Variants in CFAP99 observed in about 807,000 individuals in gnomAD.
CFAP99 encodes the protein cilia- and flagella-associated protein 99.
In CFAP99, 84 loss-of-function variants were observed where a neutral mutation model predicts 82.7. The ratio of observed to expected loss-of-function variants is 1.02; its 90% confidence interval spans 0.85 to 1.22. CFAP99 has a LOEUF of 1.22. CFAP99 is among the 50% of genes most tolerant of loss of function. The pLI is 0.00. For synonymous variants in CFAP99, 456 were observed against 429.5 expected, an observed-to-expected ratio of 1.06 and a Z score of -0.76; for missense variants, 1,059 against 983.5, an observed-to-expected ratio of 1.08 and a Z score of -1.03.
intron 8 of CFAP99, chr4:2,450,503 G>T: frequency 3.5e-6 from 1 of 282,488 alleles, no homozygotes; most frequent in Non-Finnish European, 6.9e-6. Flanking sequence ...GCTCAGAGGG[G>T]TGGCCTTTGC....
Position 2,460,250 on chromosome 4 carries a change from C to T in CFAP99, c.1661+8C>T, listed in dbSNP as rs1689346996. ...GAGATCCGCAGCCTTGAGGTTGGTA[C>T]TGGGCTCGGGGAGGGTGCCTCTGGG... On this transcript the variant is annotated splice_region_variant and intron_variant, in intron 14 of 14. Transcript: ENST00000635017. The T allele has an allele frequency of 2.1e-5, 32 of 1,535,806 alleles. No homozygotes were observed. The highest frequency in any genetic ancestry group is 2.4e-5 in the East Asian group (1 of 40,916).
intron 4 of CFAP99, among the ~76,000 whole-genome samples, chr4:2,439,629 G>A (rs867373929): frequency 3.3e-5 from 5 of 152,194 alleles, no homozygotes; most frequent in Non-Finnish European, 5.9e-5. Flanking sequence ...TCACAGAAAC[G>A]TAAGTGATTC....
chr4:2,456,000 G>A (rs139250672), intron 11 of CFAP99, among the ~76,000 whole-genome samples: 15 of 152,216 alleles, frequency 9.9e-5, no homozygotes, highest in African/African-American at 3.4e-4. Flanking sequence ...CTGAACTTTG[G>A]GCACTGCTCA....
intron 10 of CFAP99, 101 bp downstream of exon 10, chr4:2,451,453 G>A: frequency 9.1e-7 from 1 of 1,100,878 alleles, no homozygotes; most frequent in Non-Finnish European, 1.3e-6. Context: ...AGTGGAGAGG[G>A]ACTCGGGGGT....
chr4:2,430,504 T>G (rs1733778084), intron 2 of CFAP99, among the ~76,000 whole-genome samples: 1 of 137,556 alleles, frequency 7.3e-6, no homozygotes, highest in Admixed American at 7.3e-5. Flanking sequence ...ACGCAATACG[T>G]AAACCAAACG....
In CFAP99 at chr4:2,446,396, T is replaced by TTATTA. The variant is rs1734166648; in HGVS notation, c.642+1090_642+1094dup. On this transcript the variant is annotated intron_variant, in intron 6 of 14. Transcript: ENST00000635017. The surrounding 1 kb of genome is among the most constrained non-coding windows in gnomAD (Gnocchi z 5.0). ...ATTATTATTATTATTATTATTATTA[T>TTATTA]TATTATTATTATTTGAGACAGAGTC... Among the ~76,000 whole-genome samples the TTATTA allele has an allele frequency of 1.8e-5, 1 of 55,860 alleles. No homozygotes were observed. The highest frequency in any genetic ancestry group is 6.5e-5 in the African/African-American group (1 of 15,314). The allele number at this position is 55,860 out of a possible 152,430, so 36.6% of individuals were successfully genotyped here.
In CFAP99 at chr4:2,449,766, C is replaced by T. The variant is rs770238870; in HGVS notation, c.723+16C>T. The T allele has an allele frequency of 6.2e-5, 95 of 1,535,846 alleles. No individual in the cohort carries two copies. The highest frequency in any genetic ancestry group is 7.9e-5 in the Non-Finnish European group (91 of 1,146,704). On this transcript the variant is annotated intron_variant, in intron 7 of 14. Transcript: ENST00000635017. ...AAAGGCCGAGGTGAGCTGTGTGCGA[C>T]CCCTGCCTTCCTAGAGACCCCATAT...
At chr4:2,440,034 G>A (rs1163361952) in intron 4 of CFAP99, among the ~76,000 whole-genome samples, 1 of 151,680 alleles carries the variant, frequency 6.6e-6, no homozygotes, top group African/African-American at 2.4e-5. Flanking sequence ...TAGAGACAGG[G>A]TTTCACCATG....
chr4:2,426,541 G>T lies in CFAP99; in HGVS notation c.66G>T (p.Arg22Ser). The T allele has an allele frequency of 6.5e-6, 10 of 1,536,030 alleles. No homozygotes were observed. The highest frequency in any genetic ancestry group is 8.7e-6 in the Non-Finnish European group (10 of 1,146,846). The change falls in exon 2 of 15, where the codon AGG becomes AGT. Residue 22 changes from arginine (R) to serine (S), a missense_variant. By Grantham distance (110) the Arg-to-Ser change is moderately radical. Coordinates refer to ENST00000635017, the Ensembl canonical transcript of CFAP99. ...AACTCGACAAATTTACACCCAAGAG[G>T]GACAACCCTGAGCAGTTCCTGGAGG...
At chr4:2,436,446 C>A (rs189738002) in intron 2 of CFAP99, among the ~76,000 whole-genome samples, 61 of 152,318 alleles carry the variant, frequency 4.0e-4, no homozygotes, top group African/African-American at 1.4e-3. Flanking sequence ...TAGGCACATT[C>A]CCGCTGTTGT....
chr4:2,456,953 T>TA (rs1734450902), intron 11 of CFAP99, among the ~76,000 whole-genome samples: 1 of 145,312 alleles, frequency 6.9e-6, no homozygotes, highest in Non-Finnish European at 1.5e-5. Context: ...TTGAATACTT[T>TA]TTTTTTTTTT....
chr4:2,452,659 G>A (rs1206900392), intron 11 of CFAP99, among the ~76,000 whole-genome samples: 1 of 152,208 alleles, frequency 6.6e-6, no homozygotes. Context: ...CAGGCCTGCG[G>A]TCAGGGACTT....
intron 10 of CFAP99, 119 bp downstream of exon 10, chr4:2,451,471 G>A: frequency 1.1e-6 from 1 of 887,040 alleles, no homozygotes; most frequent in Admixed American, 2.4e-5. Flanking sequence ...GGTCACAACA[G>A]GCTGTGGTCC....
chr4:2,445,949 G>T (rs1734155468), intron 6 of CFAP99, among the ~76,000 whole-genome samples: 1 of 152,164 alleles, frequency 6.6e-6, no homozygotes, highest in Non-Finnish European at 1.5e-5. Context: ...TAGGTCTCAT[G>T]CCTGCCTTGA....
exon 11 of CFAP99, chr4:2,452,245 T>C: frequency 6.5e-7 from 1 of 1,535,732 alleles, no homozygotes; most frequent in Non-Finnish European, 8.7e-7. Context: ...TGCAAGCGAG[T>C]GCCGGCGGTT....
At chr4:2,444,378 T>G (rs2108726565) in intron 5 of CFAP99, among the ~76,000 whole-genome samples, 1 of 152,272 alleles carries the variant, frequency 6.6e-6, no homozygotes, top group South Asian at 2.1e-4. Flanking sequence ...TGCCTCAAGT[T>G]GGGAGCACTG....
chr4:2,424,218 A>G (rs1300125918), intron 1 of CFAP99, among the ~76,000 whole-genome samples: 1 of 152,268 alleles, frequency 6.6e-6, no homozygotes, highest in Non-Finnish European at 1.5e-5. Flanking sequence ...CAGGAGTTTG[A>G]GACCAGCCTG....
chr4:2,427,122 A>T (rs569160827), intron 2 of CFAP99: 3 of 155,972 alleles, frequency 1.9e-5, no homozygotes, highest in African/African-American at 7.3e-5. Context: ...TCATCTTCCT[A>T]CCCACACCTG....
intron 2 of CFAP99, chr4:2,428,275 C>A (rs1733726008): frequency 6.6e-6 from 1 of 152,556 alleles, no homozygotes; most frequent in Admixed American, 6.5e-5. Flanking sequence ...CCACCTGTAG[C>A]CCGGCCCCTC....
Sources: allele counts gnomAD v4.1 joint callset (sites outside exome capture counted in the v4.1 genomes callset), GRCh38; gene constraint gnomAD v4.1.1; non-coding constraint Gnocchi (gnomAD v3.1); transcripts MANE v1.5; gene names NCBI Gene and HGNC (gene_info 2026-07-23, HGNC 2026-07-21).